The following TBC1D22A variants were observed in gnomAD, a reference collection of about 807,000 sequenced individuals.
TBC1D22A encodes TBC1 domain family member 22A.
A neutral mutation model predicts 60.2 loss-of-function variants in TBC1D22A; 38 were observed. That is an observed-to-expected ratio of 0.63 (90% confidence interval 0.49 to 0.83). The LOEUF is 0.83. TBC1D22A is among the 40% of genes least tolerant of loss of function. The pLI is 0.00. For synonymous variants in TBC1D22A, 302 were observed against 281.7 expected (o/e 1.07, Z -0.72); for missense variants, 628 against 701.0 (o/e 0.90, Z 1.18).
intron 8 of TBC1D22A, among the ~76,000 whole-genome samples, chr22:46,917,807 GCTGTGACTGT>G (rs2070478055): frequency 6.6e-6 from 1 of 152,136 alleles, no homozygotes; most frequent in South Asian, 2.1e-4. Flanking sequence ...GGGTCTCCGA[GCTGTGACTGT>G]CTGTGACTCG....
At chr22:47,140,803 C>T (rs1284316587) in intron 12 of TBC1D22A, among the ~76,000 whole-genome samples, 1 of 152,188 alleles carries the variant, frequency 6.6e-6, no homozygotes, top group African/African-American at 2.4e-5. Flanking sequence ...ATTCCCCATG[C>T]TGGGGCGGCT....
At chr22:47,014,419 C>A (rs1464706087) in intron 10 of TBC1D22A, among the ~76,000 whole-genome samples, 1 of 152,190 alleles carries the variant, frequency 6.6e-6, no homozygotes, top group African/African-American at 2.4e-5. Context: ...AGACCCAGGG[C>A]CCCATCAGTC....
intron 4 of TBC1D22A, among the ~76,000 whole-genome samples, chr22:46,868,231 A>G (rs2067144750): frequency 6.6e-6 from 1 of 152,242 alleles, no homozygotes; most frequent in African/African-American, 2.4e-5. Flanking sequence ...GTCAGGAATG[A>G]TGATGATGCC....
chr22:46,992,641 A>G (rs1480843366), intron 9 of TBC1D22A, among the ~76,000 whole-genome samples: 3 of 152,238 alleles, frequency 2.0e-5, no homozygotes, highest in Admixed American at 6.5e-5. Flanking sequence ...TCTGGCACGT[A>G]GGAGGCTTTC....
At chr22:47,134,649 G>A (rs1000120289) in intron 12 of TBC1D22A, among the ~76,000 whole-genome samples, 9 of 149,218 alleles carry the variant, frequency 6.0e-5, no homozygotes, top group African/African-American at 2.2e-4. Flanking sequence ...GACCCTCCCT[G>A]CCCCACCCAC....
chr22:46,998,604 A>G (rs7289525), intron 10 of TBC1D22A, among the ~76,000 whole-genome samples: 19,574 of 152,268 alleles, frequency 0.13, 2,537 homozygotes, highest in African/African-American at 0.33. Context: ...CCTTTAGCAC[A>G]GAAGGCCGTA....
intron 7 of TBC1D22A, among the ~76,000 whole-genome samples, chr22:46,909,403 C>T (rs543600422): frequency 1.4e-4 from 21 of 152,210 alleles, no homozygotes; most frequent in African/African-American, 4.1e-4. Flanking sequence ...GTCCAGGGTG[C>T]GTGCTCCTGG....
At chr22:46,919,933 A>G (rs1308955752) in intron 8 of TBC1D22A, among the ~76,000 whole-genome samples, 1 of 152,194 alleles carries the variant, frequency 6.6e-6, no homozygotes, top group Non-Finnish European at 1.5e-5. Context: ...CTTTGTGCCC[A>G]GTGCCAAATT....
At chr22:47,155,775 G>T (rs191770327) in intron 12 of TBC1D22A, among the ~76,000 whole-genome samples, 1 of 152,252 alleles carries the variant, frequency 6.6e-6, no homozygotes, top group African/African-American at 2.4e-5. Flanking sequence ...CACCCTCAGG[G>T]GCGGTGGTGC....
intron 7 of TBC1D22A, among the ~76,000 whole-genome samples, chr22:46,903,023 C>T (rs2147702012): frequency 6.6e-6 from 1 of 152,222 alleles, no homozygotes; most frequent in East Asian, 1.9e-4. Context: ...GGGTCATGCC[C>T]AATTGCTGGG....
intron 9 of TBC1D22A, among the ~76,000 whole-genome samples, chr22:46,991,330 T>C (rs1401111787): frequency 6.6e-6 from 1 of 152,182 alleles, no homozygotes; most frequent in East Asian, 1.9e-4. Flanking sequence ...GCAGAGACTG[T>C]AGTGAAGACG....
intron 1 of TBC1D22A, among the ~76,000 whole-genome samples, chr22:46,772,036 C>T (rs1288220314): frequency 6.6e-6 from 1 of 151,204 alleles, no homozygotes; most frequent in African/African-American, 2.4e-5. Flanking sequence ...AAGTAGTATT[C>T]CATCGTATAT....
At chr22:46,855,930 C>T (rs894615072) in intron 4 of TBC1D22A, among the ~76,000 whole-genome samples, 4 of 152,208 alleles carry the variant, frequency 2.6e-5, no homozygotes, top group South Asian at 2.1e-4. Context: ...TCTCTCTAGC[C>T]TTTCTGTGTA....
At chr22:46,766,323 G>A (rs2083286266) in intron 1 of TBC1D22A, among the ~76,000 whole-genome samples, 1 of 151,676 alleles carries the variant, frequency 6.6e-6, no homozygotes, top group Non-Finnish European at 1.5e-5. Context: ...TAGAGATGGG[G>A]TTTCACCATG....
At chr22:46,902,211 C>T (rs559805560) in intron 7 of TBC1D22A, among the ~76,000 whole-genome samples, 5 of 152,272 alleles carry the variant, frequency 3.3e-5, no homozygotes, top group South Asian at 2.1e-4. Context: ...CATGTTCTGG[C>T]GTTCAGATTT....
At chr22:46,836,190 T>C (rs1419714336) in intron 4 of TBC1D22A, among the ~76,000 whole-genome samples, 1 of 152,218 alleles carries the variant, frequency 6.6e-6, no homozygotes, top group African/African-American at 2.4e-5. Flanking sequence ...AATATTGTAA[T>C]GATGGTGTGT....
chr22:46,889,287 A>T (rs1331529163), intron 5 of TBC1D22A, among the ~76,000 whole-genome samples: 1 of 152,220 alleles, frequency 6.6e-6, no homozygotes, highest in Admixed American at 6.5e-5. Flanking sequence ...CCACGAAGAG[A>T]TGTTTGGTAT....
chr22:47,076,380 TACACACACACACACACACACACAC>T (rs1183466938), intron 11 of TBC1D22A, among the ~76,000 whole-genome samples: 15 of 124,422 alleles, frequency 1.2e-4, no homozygotes, highest in East Asian at 8.9e-4. Context: ...TATATATATA[TACACACACACACACACACACACAC>T]ACACATATAT....
At chr22:47,025,191 G>T (rs1295658124) in intron 10 of TBC1D22A, among the ~76,000 whole-genome samples, 1 of 152,168 alleles carries the variant, frequency 6.6e-6, no homozygotes, top group Non-Finnish European at 1.5e-5. Context: ...CTCTCTTCAG[G>T]AAGTGTTAGA....
Sources: gnomAD v4.1 joint callset for allele counts (sites outside exome capture counted in the v4.1 genomes callset) on GRCh38, gnomAD v4.1.1 for gene constraint, MANE v1.5 for transcripts, NCBI Gene and HGNC (gene_info 2026-07-23, HGNC 2026-07-21) for gene names.